The following MICU1 variants were observed in gnomAD, a reference collection of about 807,000 sequenced individuals.
MICU1 encodes calcium uptake protein 1, mitochondrial.
MICU1 carries 45 observed loss-of-function variants against 56.8 expected under a neutral mutation model. That is an observed-to-expected ratio of 0.79 (90% CI 0.62 to 1.02). The LOEUF (loss-of-function observed/expected upper bound fraction) is 1.02, where lower values mean the gene tolerates loss of function less well. Among genes scored for constraint, MICU1 ranks in the 50% least tolerant of loss-of-function variants. The pLI, the probability that MICU1 is intolerant of heterozygous loss-of-function variation, is 0.00. For synonymous variants in MICU1, 186 were observed against 195.1 expected (o/e 0.95, Z 0.39); for missense variants, 504 against 587.1 (o/e 0.86, Z 1.46).
chr10:72,469,636 G>A (rs1865892918), intron 8 of MICU1, among the ~76,000 whole-genome samples: 1 of 152,218 alleles, frequency 6.6e-6, no homozygotes. Flanking sequence ...CTAGGTGGCA[G>A]TGGGTATAAA....
At chr10:72,451,802 T>A (rs1431932618) in intron 8 of MICU1, among the ~76,000 whole-genome samples, 1 of 151,786 alleles carries the variant, frequency 6.6e-6, no homozygotes, top group East Asian at 1.9e-4. Flanking sequence ...TTTGGCCTCT[T>A]AAAGTGCTGG....
chr10:72,509,302 G>T, intron 5 of MICU1: 1 of 972,656 alleles, frequency 1.0e-6, no homozygotes, highest in Non-Finnish European at 1.4e-6. Context: ...GTAAGAGGCA[G>T]CATTGCAGGC....
intron 5 of MICU1, among the ~76,000 whole-genome samples, chr10:72,530,807 C>T (rs1015741368): frequency 1.3e-5 from 2 of 152,100 alleles, no homozygotes; most frequent in African/African-American, 4.8e-5. Context: ...ATAGTAATGT[C>T]TTATTTACTT....
In MICU1 at chr10:72,467,368, T is replaced by C. The variant is rs191191389; in HGVS notation, c.933+7732A>G. On this transcript the variant is annotated intron_variant, in intron 8 of 11. Coordinates refer to ENST00000361114, the MANE Select transcript of MICU1 (RefSeq NM_001195518.2). ...CCGGCTGATTTCTGTATTTTTAGTA[T>C]AGATGGGGTTTTGCCATCTTGGTCA... 4.6e-5 allele frequency among the ~76,000 whole-genome samples: 7 copies of C among 152,180 alleles called. No homozygotes were observed. The East Asian group carries it at 1.4e-3, about 29-fold the overall frequency.
At chr10:72,403,134 T>C (rs1044082990) in intron 10 of MICU1, among the ~76,000 whole-genome samples, 16 of 152,164 alleles carry the variant, frequency 1.1e-4, no homozygotes, top group African/African-American at 3.6e-4. Flanking sequence ...TCCCAGCACT[T>C]TGGGAGGCCG....
intron 4 of MICU1, among the ~76,000 whole-genome samples, chr10:72,540,334 A>G (rs1471739459): frequency 1.3e-5 from 2 of 151,840 alleles, no homozygotes; most frequent in Non-Finnish European, 2.9e-5. Context: ...CAGGGCACAT[A>G]TAGGAGAATA....
chr10:72,396,369 C>T (rs528054813), intron 10 of MICU1, among the ~76,000 whole-genome samples: 64 of 152,088 alleles, frequency 4.2e-4, no homozygotes, highest in Non-Finnish European at 4.9e-4. Context: ...AAAAGCAGAG[C>T]GCCTCTTCTC....
intron 1 of MICU1, among the ~76,000 whole-genome samples, chr10:72,581,807 T>G (rs1315145716): frequency 6.6e-6 from 1 of 152,208 alleles, no homozygotes; most frequent in East Asian, 1.9e-4. Context: ...CATCTTTTTA[T>G]TTTGTCTTAG....
chr10:72,524,774 A>C (rs1457368526), intron 5 of MICU1: 3 of 1,227,180 alleles, frequency 2.4e-6, no homozygotes, highest in Non-Finnish European at 2.0e-6. Flanking sequence ...AAAAGAAAAA[A>C]CATTGACATT....
chr10:72,380,219 C>T (rs1862655870), intron 10 of MICU1, among the ~76,000 whole-genome samples: 1 of 152,164 alleles, frequency 6.6e-6, no homozygotes. Flanking sequence ...AGCTCCCAAT[C>T]TGAAAGATGT....
intron 10 of MICU1, among the ~76,000 whole-genome samples, chr10:72,400,866 TACACACACACACACACACACACAC>T (rs61091649): frequency 1.4e-5 from 2 of 142,238 alleles, no homozygotes; most frequent in Admixed American, 7.2e-5. Context: ...CTGGTGGTGC[TACACACACACACACACACACACAC>T]ACACACACAC....
intron 5 of MICU1, among the ~76,000 whole-genome samples, chr10:72,517,422 CGATGG>C (rs1354726775): frequency 5.4e-5 from 6 of 110,196 alleles, no homozygotes; most frequent in Non-Finnish European, 1.3e-4. Flanking sequence ...AATATGCATA[CGATGG>C]AATACTACTC....
chr10:72,371,505 G>A (rs568553268), intron 11 of MICU1, among the ~76,000 whole-genome samples: 3 of 152,190 alleles, frequency 2.0e-5, no homozygotes, highest in Non-Finnish European at 2.9e-5. Context: ...CACTTTGGGA[G>A]GCCAAGACGG....
intron 6 of MICU1, among the ~76,000 whole-genome samples, chr10:72,487,803 T>C (rs1297983696): frequency 6.6e-6 from 1 of 152,190 alleles, no homozygotes; most frequent in Admixed American, 6.5e-5. Flanking sequence ...TGGGAAGTCA[T>C]TAGACGTCCA....
intron 9 of MICU1, among the ~76,000 whole-genome samples, 200 bp downstream of exon 9, chr10:72,423,034 A>G (rs750904134): frequency 2.0e-5 from 3 of 151,910 alleles, no homozygotes; most frequent in Non-Finnish European, 4.4e-5. Context: ...TGAACAAGAA[A>G]CCTGGGATGA....
At chr10:72,612,995 T>A (rs1841890761) in intron 1 of MICU1, among the ~76,000 whole-genome samples, 1 of 152,036 alleles carries the variant, frequency 6.6e-6, no homozygotes, top group African/African-American at 2.4e-5. Context: ...AGTAATTATT[T>A]ATAAAAATAA....
intron 6 of MICU1, among the ~76,000 whole-genome samples, chr10:72,504,952 C>CTAT (rs892303726): frequency 2.0e-5 from 3 of 150,156 alleles, no homozygotes; most frequent in Admixed American, 6.6e-5. Flanking sequence ...GTCAGAATGG[C>CTAT]TATTATTATC....
In MICU1 at chr10:72,509,515, A is replaced by G. The variant is rs186646933; in HGVS notation, c.538-1246T>C. 6.0e-6 allele frequency: 5 copies of G among 837,686 alleles called. No individual in the cohort carries two copies. The East Asian group carries it at 3.1e-4, about 52-fold the overall frequency. 51.9% of individuals were successfully genotyped at this position (837,686 alleles called of 1,614,324 possible). ...TCAGTTTGTATGATCTTCTCAATAA[A>G]CTCATTCAAAATAGCCTCTACTAGA... On this transcript the variant is annotated intron_variant, in intron 5 of 11. Transcript: ENST00000361114.
intron 8 of MICU1, among the ~76,000 whole-genome samples, chr10:72,424,117 C>T (rs1283416740): frequency 9.0e-6 from 1 of 110,628 alleles, no homozygotes; most frequent in African/African-American, 2.5e-5. Context: ...CCATTTCCCC[C>T]CCACCTTTTT....
Sources: allele counts gnomAD v4.1 joint callset (sites outside exome capture counted in the v4.1 genomes callset), GRCh38; gene constraint gnomAD v4.1.1; transcripts MANE v1.5; gene names NCBI Gene and HGNC (gene_info 2026-07-23, HGNC 2026-07-21).